The following CACHD1 variants were observed in gnomAD, a reference collection of about 807,000 sequenced individuals.
CACHD1 encodes the protein VWFA and cache domain-containing protein 1.
In CACHD1, 71 loss-of-function variants were observed where a neutral mutation model predicts 138.7. The observed-to-expected ratio is 0.51, with a 90% CI of 0.42 to 0.62. The LOEUF (loss-of-function observed/expected upper bound fraction) is 0.62. CACHD1 is among the 20% of genes least tolerant of loss of function. The probability of loss-of-function intolerance (pLI) is 0.00; values close to 1 mark genes in which losing one functional copy is unlikely to be tolerated. For missense variants in CACHD1, 1,389 were observed against 1,625.3 expected (o/e 0.85, Z 2.50); for synonymous variants, 578 against 591.5 (o/e 0.98, Z 0.33).
chr1:64,670,792 T>C (rs907003015), intron 16 of CACHD1, among the ~76,000 whole-genome samples: 6 of 152,248 alleles, frequency 3.9e-5, no homozygotes, highest in African/African-American at 1.4e-4. Flanking sequence ...GGTACTATTA[T>C]TGAATCCATT....
chr1:64,599,459 A>C (rs1647192762), intron 3 of CACHD1, among the ~76,000 whole-genome samples: 1 of 152,114 alleles, frequency 6.6e-6, no homozygotes, highest in Non-Finnish European at 1.5e-5. Flanking sequence ...GCTTTGAAGA[A>C]AGGGTGGAGT....
chr1:64,510,695 A>G (rs1460904283), intron 1 of CACHD1, among the ~76,000 whole-genome samples: 1 of 152,144 alleles, frequency 6.6e-6, no homozygotes. Flanking sequence ...GTCATTATTC[A>G]GTTTTGCACA....
At position 64,593,034 on chromosome 1, in the gene CACHD1, A is replaced by C. The variant is rs74080445; in HGVS notation, c.411-9772A>C. Reference sequence around the variant, plus strand: ...TTAGGAGATGGGAATCTATTAACTAAAGGGTGAAAAGAGGAGCAAAAGAAA... The same window carrying C: ...TTAGGAGATGGGAATCTATTAACTACAGGGTGAAAAGAGGAGCAAAAGAAA... On this transcript the variant is annotated intron_variant, in intron 3 of 26. Coordinates refer to ENST00000651257, the MANE Select transcript of CACHD1 (RefSeq NM_020925.4). Among the ~76,000 whole-genome samples, 1,427 of 152,266 alleles carry C rather than the reference A, an allele frequency of 9.4e-3. 23 individuals carry two copies. The highest frequency in any genetic ancestry group is 0.033 in the African/African-American group (1,351 of 41,546).
intron 4 of CACHD1, among the ~76,000 whole-genome samples, chr1:64,622,045 T>G (rs539886526): frequency 6.6e-6 from 1 of 152,302 alleles, no homozygotes; most frequent in African/African-American, 2.4e-5. Flanking sequence ...TTTTTCTAGT[T>G]GATAAGTACC....
In CACHD1 at chr1:64,666,004, CA is replaced by C. The variant is rs1649619640; in HGVS notation, c.2277-45del. ...TGGGCGACAGAGCAAGACTCCATCT[CA>C]AAAAAAATAAATAAAAAATAAAATA... On this transcript the variant is annotated intron_variant, in intron 15 of 26. Transcript: ENST00000651257. 2.0e-4 allele frequency: 219 copies of C among 1,114,482 alleles called. 1 individual carries two copies. Among genetic ancestry groups the C allele is most frequent in the Admixed American group, 2.5e-4 (12 of 48,290 alleles). The allele number at this position is 1,114,482 out of a possible 1,614,324, so 69.0% of individuals were successfully genotyped here.
At chr1:64,583,677 G>A (rs1444686037) in intron 3 of CACHD1, among the ~76,000 whole-genome samples, 3 of 152,148 alleles carry the variant, frequency 2.0e-5, no homozygotes. Flanking sequence ...AGGAAAAGAG[G>A]TTTAGTGGAC....
intron 7 of CACHD1, among the ~76,000 whole-genome samples, chr1:64,639,795 A>G (rs60099629): frequency 2.5e-3 from 382 of 152,292 alleles, no homozygotes; most frequent in African/African-American, 8.9e-3. Context: ...TTATTCCAAC[A>G]CTCTGTGGCT....
intron 2 of CACHD1, among the ~76,000 whole-genome samples, chr1:64,577,788 A>C (rs1021281183): frequency 2.0e-5 from 3 of 152,236 alleles, no homozygotes; most frequent in Non-Finnish European, 2.9e-5. Context: ...ACAGCTGTGA[A>C]TCCAAGTAGA....
At chr1:64,549,783 G>A (rs1646744643) in intron 1 of CACHD1, among the ~76,000 whole-genome samples, 2 of 150,006 alleles carry the variant, frequency 1.3e-5, no homozygotes, top group South Asian at 4.2e-4. Flanking sequence ...TGATAAGGCT[G>A]CTGCTCTTTT....
intron 2 of CACHD1, among the ~76,000 whole-genome samples, chr1:64,569,569 G>C (rs1258098010): frequency 1.3e-5 from 2 of 152,154 alleles, no homozygotes; most frequent in East Asian, 3.9e-4. Flanking sequence ...AGGAGCAGCG[G>C]GGGCCTTGCG....
chr1:64,473,284 G>T (rs1239515216), intron 1 of CACHD1, among the ~76,000 whole-genome samples: 1 of 152,044 alleles, frequency 6.6e-6, no homozygotes, highest in African/African-American at 2.4e-5. Flanking sequence ...TGGGAAAATT[G>T]CAGAAAGTGT....
At chr1:64,681,456 G>GT in intron 25 of CACHD1, 121 bp downstream of exon 25, 1 of 564,064 alleles carries the variant, frequency 1.8e-6, no homozygotes, top group Non-Finnish European at 2.9e-6. Context: ...CGGTGGCTGG[G>GT]TTTTTTTAGT....
At chr1:64,528,467 G>C (rs1646557262) in intron 1 of CACHD1, among the ~76,000 whole-genome samples, 1 of 152,110 alleles carries the variant, frequency 6.6e-6, no homozygotes, top group Non-Finnish European at 1.5e-5. Context: ...TAATGAAGAT[G>C]ACATTATATA....
chr1:64,623,418 A>G (rs1647985753), intron 4 of CACHD1, among the ~76,000 whole-genome samples: 1 of 151,318 alleles, frequency 6.6e-6, no homozygotes, highest in Non-Finnish European at 1.5e-5. Flanking sequence ...AAAAAATGGC[A>G]TTAGAAGAAA....
chr1:64,685,878 G>C (rs909388181), intron 26 of CACHD1, among the ~76,000 whole-genome samples: 12 of 151,914 alleles, frequency 7.9e-5, no homozygotes, highest in African/African-American at 2.7e-4. Context: ...ATGCTGGGTG[G>C]AGTTGCAATG....
intron 23 of CACHD1, 95 bp from the exon 24 acceptor site, chr1:64,679,500 C>G (rs1650098681): frequency 7.2e-7 from 1 of 1,386,712 alleles, no homozygotes; most frequent in Non-Finnish European, 1.0e-6. Flanking sequence ...CCGCCAACCC[C>G]CTTCCCACTG....
intron 1 of CACHD1, among the ~76,000 whole-genome samples, chr1:64,497,257 A>ACT (rs764460721): frequency 2.0e-5 from 3 of 152,014 alleles, no homozygotes; most frequent in Non-Finnish European, 4.4e-5. Context: ...TTATCCAGTC[A>ACT]CTCGGCTAAC....
At chr1:64,639,917 G>T (rs1648649033) in intron 7 of CACHD1, among the ~76,000 whole-genome samples, 1 of 152,172 alleles carries the variant, frequency 6.6e-6, no homozygotes, top group Admixed American at 6.6e-5. Context: ...CTATTGCCCA[G>T]AGCTGCTGTC....
chr1:64,677,794 T>G (rs1274161422), intron 22 of CACHD1, among the ~76,000 whole-genome samples: 1 of 152,162 alleles, frequency 6.6e-6, no homozygotes, highest in African/African-American at 2.4e-5. Flanking sequence ...TGGACTTTTT[T>G]TTTTATTTTT....
Sources: allele counts gnomAD v4.1 joint callset (sites outside exome capture counted in the v4.1 genomes callset), GRCh38; gene constraint gnomAD v4.1.1; transcripts MANE v1.5; gene names NCBI Gene and HGNC (gene_info 2026-07-23, HGNC 2026-07-21).